PCDHA5: variants seen among roughly 807,000 people sequenced by gnomAD.
The protein encoded by PCDHA5 is protocadherin alpha 5.
Under a neutral mutation model 61.6 loss-of-function variants are expected in PCDHA5, and 43 were observed. The observed-to-expected ratio is 0.70, with a 90% confidence interval of 0.55 to 0.90. The LOEUF (loss-of-function observed/expected upper bound fraction) is 0.90. Ranked by LOEUF, PCDHA5 falls within the 40% of genes least tolerant of loss-of-function variation. The probability of loss-of-function intolerance (pLI) is 0.00; values close to 1 mark genes in which losing one functional copy is unlikely to be tolerated. For missense variants in PCDHA5, 1,298 were observed against 1,222.7 expected, an observed-to-expected ratio of 1.06 and a Z score of -0.92; for synonymous variants, 627 against 543.9, an observed-to-expected ratio of 1.15 and a Z score of -2.13.
At chr5:140,874,845 A>G (rs1201887753) in intron 1 of PCDHA5, among the ~76,000 whole-genome samples, 1 of 152,236 alleles carries the variant, frequency 6.6e-6, no homozygotes, top group Non-Finnish European at 1.5e-5. Flanking sequence ...GGTATTAGAC[A>G]TATTTTAGTT....
At chr5:141,004,839 C>G (rs1168305271) in intron 3 of PCDHA5, among the ~76,000 whole-genome samples, 1 of 152,168 alleles carries the variant, frequency 6.6e-6, no homozygotes, top group Non-Finnish European at 1.5e-5. Context: ...AGATCAAAGT[C>G]ATTAGTCTCA....
chr5:140,887,525 TC>T (rs552124664), intron 1 of PCDHA5, among the ~76,000 whole-genome samples: 1 of 152,154 alleles, frequency 6.6e-6, no homozygotes, highest in South Asian at 2.1e-4. Context: ...TATATATGAG[TC>T]TTCCTCTCCC....
chr5:140,976,550 CATAA>C (rs782672542), intron 1 of PCDHA5, among the ~76,000 whole-genome samples: 4 of 151,944 alleles, frequency 2.6e-5, no homozygotes, highest in South Asian at 2.1e-4. Flanking sequence ...GACCCTATCT[CATAA>C]ATAAATAAAT....
chr5:140,951,520 A>G (rs904780831), intron 1 of PCDHA5, among the ~76,000 whole-genome samples: 6 of 151,972 alleles, frequency 3.9e-5, no homozygotes, highest in Admixed American at 2.0e-4. Context: ...CTCATCTTAC[A>G]TGGCCGGTGC....
At chr5:140,841,478 G>T (rs2150316253) in intron 1 of PCDHA5, 16 of 1,612,980 alleles carry the variant, frequency 9.9e-6, no homozygotes, top group Non-Finnish European at 1.2e-5. Context: ...GCAGGACCTG[G>T]GGCTGGAGCT....
chr5:140,953,443 A>G (rs1434216967), intron 1 of PCDHA5, among the ~76,000 whole-genome samples: 1 of 152,078 alleles, frequency 6.6e-6, no homozygotes, highest in Non-Finnish European at 1.5e-5. Flanking sequence ...TGGAGAAACT[A>G]GGGATTATCT....
intron 1 of PCDHA5, chr5:140,862,883 G>T: frequency 1.8e-6 from 1 of 566,460 alleles, no homozygotes. Flanking sequence ...ATTAGTGCTG[G>T]AACGACAACT....
chr5:140,937,653 C>G (rs930742748), intron 1 of PCDHA5, among the ~76,000 whole-genome samples: 1 of 151,298 alleles, frequency 6.6e-6, no homozygotes, highest in Non-Finnish European at 1.5e-5. Context: ...TGGCTCACGC[C>G]TGTAATCCCA....
At chr5:140,980,278 GA>G (rs1351425532) in intron 2 of PCDHA5, among the ~76,000 whole-genome samples, 1 of 152,166 alleles carries the variant, frequency 6.6e-6, no homozygotes, top group Non-Finnish European at 1.5e-5. Flanking sequence ...ACCAACTCTT[GA>G]AAAGTACCAA....
chr5:140,869,224 C>T, intron 1 of PCDHA5: 1 of 1,613,836 alleles, frequency 6.2e-7, no homozygotes, highest in South Asian at 1.1e-5. Context: ...GGAGGCCAAA[C>T]ACGGCACCTT....
In PCDHA5 at chr5:140,937,196, C is replaced by G. The variant is rs915023517; in HGVS notation, c.2353-41753C>G. On this transcript the variant is annotated intron_variant, in intron 1 of 3. Transcript: ENST00000529859. ...GGGACTACAGGCGCCCGCCACCATG[C>G]CCGGCTAATTTTTTGTATTTTTTGT... Among the ~76,000 whole-genome samples, 5 of 152,108 alleles carry G rather than the reference C, an allele frequency of 3.3e-5. No homozygotes were observed. In the East Asian group the frequency reaches 7.8e-4, roughly 24 times the overall value.
chr5:140,947,754 G>A (rs1295200380), intron 1 of PCDHA5, among the ~76,000 whole-genome samples: 2 of 151,334 alleles, frequency 1.3e-5, no homozygotes, highest in African/African-American at 2.4e-5. Flanking sequence ...TGTATTTTAT[G>A]GTTTAAAAAA....
intron 3 of PCDHA5, 60 bp from the exon 4 acceptor site, chr5:141,009,567 A>T: frequency 6.3e-7 from 1 of 1,575,430 alleles, no homozygotes; most frequent in Admixed American, 1.8e-5. Flanking sequence ...CTCTACCAGC[A>T]GTGTGGCATC....
chr5:140,853,320 T>G lies in PCDHA5; in HGVS notation c.2352+29193T>G, dbSNP rs375907981. 1.5e-5 allele frequency: 15 copies of G among 984,926 alleles called. 1 individual carries two copies. The highest frequency in any genetic ancestry group is 5.3e-4 in the Middle Eastern group (1 of 1,886). The allele number at this position is 984,926 out of a possible 1,614,324, so 61.0% of individuals were successfully genotyped here. On this transcript the variant is annotated intron_variant, in intron 1 of 3. Coordinates refer to ENST00000529859, the MANE Select transcript of PCDHA5 (RefSeq NM_018908.3). ...GGGCTGTGAACACCTTAGTAATAAA[T>G]TTATCTTTTGAGGTCATTAGCAAAC...
At chr5:140,882,644 A>T in intron 1 of PCDHA5, 1 of 1,614,256 alleles carries the variant, frequency 6.2e-7, no homozygotes. Flanking sequence ...GGTGAGGGAC[A>T]TTAACGACAA....
chr5:140,978,778 T>C, intron 1 of PCDHA5, 171 bp from the exon 2 acceptor site: 1 of 968,888 alleles, frequency 1.0e-6, no homozygotes, highest in Non-Finnish European at 1.2e-6. Context: ...CTAATTTTCT[T>C]CTAAAGTGCT....
chr5:140,823,731 C>A lies in PCDHA5; in HGVS notation c.1956C>A (p.Asp652Glu). 6.2e-7 allele frequency: 1 copy of A among 1,613,874 alleles called. No individual in the cohort carries two copies. Among genetic ancestry groups the A allele is most frequent in the Non-Finnish European group, 8.5e-7 (1 of 1,179,942 alleles). ...PRHRLLVLVK[D>E]HGEPPLTATA... ...ACCGCCTTCTGGTGCTGGTGAAGGA[C>A]CATGGAGAGCCCCCGCTGACAGCCA... The change falls in exon 1 of 4, where the codon GAC becomes GAA. Residue 652 changes from aspartate (D) to glutamate (E), a missense_variant. Asp to Glu is a conservative substitution (Grantham distance 45, BLOSUM62 2). Coordinates refer to ENST00000529859, the MANE Select transcript of PCDHA5 (RefSeq NM_018908.3).
At chr5:140,842,412 A>T in intron 1 of PCDHA5, 1 of 1,613,004 alleles carries the variant, frequency 6.2e-7, no homozygotes, top group East Asian at 2.2e-5. Context: ...GAAGACGCTC[A>T]ATTTGGTACT....
At chr5:140,840,678 T>G (rs1381034670) in intron 1 of PCDHA5, among the ~76,000 whole-genome samples, 1 of 152,018 alleles carries the variant, frequency 6.6e-6, no homozygotes, top group Non-Finnish European at 1.5e-5. Context: ...TTTTATTACT[T>G]TAGTAAATAA....
Sources: gnomAD v4.1 joint callset for allele counts (sites outside exome capture counted in the v4.1 genomes callset) on GRCh38, gnomAD v4.1.1 for gene constraint, MANE v1.5 for transcripts, NCBI Gene and HGNC (gene_info 2026-07-23, HGNC 2026-07-21) for gene names.